The following AKT3 variants were observed in gnomAD, a reference collection of about 807,000 sequenced individuals.
AKT3 encodes RAC-gamma serine/threonine-protein kinase.
A neutral mutation model predicts 65.3 loss-of-function variants in AKT3; 15 were observed. The ratio of observed to expected loss-of-function variants is 0.23; its 90% CI spans 0.15 to 0.35. The LOEUF (loss-of-function observed/expected upper bound fraction) is 0.35. AKT3 is among the 10% of genes least tolerant of loss of function. The pLI is 1.00. For missense variants in AKT3, 243 were observed against 576.5 expected (o/e 0.42, Z 5.92); for synonymous variants, 206 against 183.8 (o/e 1.12, Z -0.98).
intron 2 of AKT3, among the ~76,000 whole-genome samples, chr1:243,752,967 T>C (rs548959728): frequency 6.6e-6 from 1 of 152,332 alleles, no homozygotes; most frequent in East Asian, 1.9e-4. Flanking sequence ...GCATAGTTTC[T>C]ACCCCCTTTC....
At chr1:243,669,290 T>C (rs552799359) in intron 3 of AKT3, among the ~76,000 whole-genome samples, 9 of 152,298 alleles carry the variant, frequency 5.9e-5, no homozygotes, top group African/African-American at 1.2e-4. Context: ...AATACCCTGA[T>C]TGGGCAACTG....
At chr1:243,717,983 T>C (rs1349051568) in intron 2 of AKT3, among the ~76,000 whole-genome samples, 2 of 152,246 alleles carry the variant, frequency 1.3e-5, no homozygotes, top group African/African-American at 4.8e-5. Context: ...ATGCTGAATA[T>C]GCAACATTTC....
chr1:243,649,309 G>A (rs1041484176), intron 4 of AKT3, among the ~76,000 whole-genome samples: 1 of 62,098 alleles, frequency 1.6e-5, no homozygotes, highest in African/African-American at 3.8e-5. Context: ...TATGTTATGT[G>A]TATATGTGTG....
chr1:243,605,511 A>C (rs903600874), intron 8 of AKT3, among the ~76,000 whole-genome samples: 1 of 152,240 alleles, frequency 6.6e-6, no homozygotes, highest in Admixed American at 6.5e-5. Context: ...CTCTGTAAAT[A>C]CACTCATTGA....
At chr1:243,718,801 A>G (rs986600972) in intron 2 of AKT3, among the ~76,000 whole-genome samples, 1 of 152,172 alleles carries the variant, frequency 6.6e-6, no homozygotes, top group African/African-American at 2.4e-5. Context: ...AGTAAATGCT[A>G]GCAAAATGAA....
At chr1:243,519,812 T>C (rs138272881) in intron 12 of AKT3, among the ~76,000 whole-genome samples, 89 of 152,296 alleles carry the variant, frequency 5.8e-4, no homozygotes, top group African/African-American at 2.0e-3. Context: ...TTAGTTTTTC[T>C]TCACTTAATA....
intron 10 of AKT3, among the ~76,000 whole-genome samples, chr1:243,557,505 T>C (rs976823499): frequency 6.6e-6 from 1 of 152,084 alleles, no homozygotes. Flanking sequence ...ATGCCACTTA[T>C]AAACATTGAG....
chr1:243,514,100 G>C (rs1339862557), intron 12 of AKT3, among the ~76,000 whole-genome samples: 1 of 152,128 alleles, frequency 6.6e-6, no homozygotes, highest in East Asian at 1.9e-4. Flanking sequence ...GGGTTTTTCT[G>C]ATTTACTATT....
downstream of AKT3, among the ~76,000 whole-genome samples, chr1:243,495,528 C>A (rs1486820637): frequency 6.6e-6 from 1 of 152,148 alleles, no homozygotes; most frequent in Non-Finnish European, 1.5e-5. Context: ...AACCGTGAGC[C>A]CCCGCCTGCT....
At chr1:243,748,870 G>C (rs1163310893) in intron 2 of AKT3, among the ~76,000 whole-genome samples, 1 of 152,114 alleles carries the variant, frequency 6.6e-6, no homozygotes, top group African/African-American at 2.4e-5. Flanking sequence ...CTTACCATAC[G>C]AATCAGAGTG....
chr1:243,660,834 CCTT>C (rs1024999246), intron 4 of AKT3, among the ~76,000 whole-genome samples: 63 of 152,278 alleles, frequency 4.1e-4, no homozygotes, highest in African/African-American at 1.5e-3. Context: ...CCCAAAATCT[CCTT>C]AAGCTGATAA....
intron 8 of AKT3, among the ~76,000 whole-genome samples, chr1:243,606,431 T>C (rs1677424365): frequency 6.6e-6 from 1 of 152,130 alleles, no homozygotes; most frequent in African/African-American, 2.4e-5. Context: ...GGAGTAAAGG[T>C]GACTCTTGCT....
At chr1:243,762,722 A>G (rs2148249445) in intron 2 of AKT3, among the ~76,000 whole-genome samples, 1 of 152,184 alleles carries the variant, frequency 6.6e-6, no homozygotes, top group Non-Finnish European at 1.5e-5. Flanking sequence ...TAAAATGTAA[A>G]TCTTCTAATC....
intron 2 of AKT3, among the ~76,000 whole-genome samples, chr1:243,822,253 G>A (rs1004865693): frequency 2.0e-5 from 3 of 152,132 alleles, no homozygotes; most frequent in African/African-American, 7.2e-5. Flanking sequence ...CAATGTACCA[G>A]AATCTCTGGG....
intron 8 of AKT3, among the ~76,000 whole-genome samples, chr1:243,605,332 A>G (rs1366635435): frequency 6.6e-6 from 1 of 152,132 alleles, no homozygotes; most frequent in Non-Finnish European, 1.5e-5. Flanking sequence ...CTGGCCAGAA[A>G]ATAGTTTCTT....
At chr1:243,812,603 A>T (rs375560542) in intron 2 of AKT3, among the ~76,000 whole-genome samples, 50 of 152,304 alleles carry the variant, frequency 3.3e-4, no homozygotes, top group African/African-American at 1.2e-3. Context: ...ATTGTGGAAG[A>T]CAGTGTGGCG....
chr1:243,727,471 G>A (rs1238278091), intron 2 of AKT3, among the ~76,000 whole-genome samples: 1 of 152,042 alleles, frequency 6.6e-6, no homozygotes, highest in Non-Finnish European at 1.5e-5. Flanking sequence ...TGTGGAGATA[G>A]GGTCTTGCTA....
chr1:243,717,360 T>G (rs1686576800), intron 2 of AKT3, among the ~76,000 whole-genome samples: 1 of 152,148 alleles, frequency 6.6e-6, no homozygotes, highest in Non-Finnish European at 1.5e-5. Flanking sequence ...CTAGGTAGTA[T>G]CAAAAATACT....
intron 10 of AKT3, 33 bp from the exon 11 acceptor site, chr1:243,552,976 T>TA: frequency 6.8e-7 from 1 of 1,468,770 alleles, no homozygotes. Context: ...GATTAATTAT[T>TA]ACATGTTAAC....
Sources: allele counts gnomAD v4.1 joint callset (sites outside exome capture counted in the v4.1 genomes callset), GRCh38; gene constraint gnomAD v4.1.1; transcripts MANE v1.5; gene names NCBI Gene and HGNC (gene_info 2026-07-23, HGNC 2026-07-21).